HYCC2: variants seen among roughly 807,000 people sequenced by gnomAD.
The protein encoded by HYCC2 is hyccin 2.
the HYCC2 span, among the ~76,000 whole-genome samples, chr2:201,030,876 G>C: frequency 6.6e-6 from 1 of 152,022 alleles, no homozygotes; most frequent in African/African-American, 2.4e-5. Context: ...ACTGCGCCCA[G>C]CTTATCTCAT....
At chr2:201,049,800 A>C in the HYCC2 span, among the ~76,000 whole-genome samples, 3 of 152,168 alleles carry the variant, frequency 2.0e-5, no homozygotes, top group African/African-American at 7.2e-5. Context: ...AACAAAAATA[A>C]TAAAGAAAAA....
At chr2:200,981,191 A>G in the HYCC2 span, 1 of 1,488,432 alleles carries the variant, frequency 6.7e-7, no homozygotes, top group African/African-American at 1.4e-5. The surrounding 1 kb of genome is among the most constrained non-coding windows in gnomAD (Gnocchi z 4.5). Flanking sequence ...TATTTTCACA[A>G]TGTGGGATGA....
chr2:201,020,537 T>A, the HYCC2 span, among the ~76,000 whole-genome samples: 2 of 152,150 alleles, frequency 1.3e-5, no homozygotes, highest in Non-Finnish European at 2.9e-5. Context: ...AGAATATGGT[T>A]GTTTATCATA....
At chr2:200,981,870 A>G in the HYCC2 span, 1 of 1,592,426 alleles carries the variant, frequency 6.3e-7, no homozygotes. This position sits in a 1 kb window ranked among gnomAD's most constrained non-coding sequence, Gnocchi z 4.5. Flanking sequence ...CACCCTCAGC[A>G]CCTAAGAAAA....
chr2:201,001,268 A>C, the HYCC2 span, among the ~76,000 whole-genome samples: 1 of 152,146 alleles, frequency 6.6e-6, no homozygotes, highest in African/African-American at 2.4e-5. Context: ...CTAGACACTG[A>C]ATCTGCTGGC....
chr2:201,008,767 G>A, the HYCC2 span, among the ~76,000 whole-genome samples: 2 of 152,108 alleles, frequency 1.3e-5, no homozygotes, highest in Admixed American at 1.3e-4. Flanking sequence ...GCATGGTGGT[G>A]TACACCTGTA....
chr2:201,016,645 G>A, the HYCC2 span, among the ~76,000 whole-genome samples: 1 of 151,272 alleles, frequency 6.6e-6, no homozygotes, highest in Non-Finnish European at 1.5e-5. Context: ...TTTCACCCAG[G>A]CTGGAGTGCA....
the HYCC2 span, chr2:200,992,919 C>T: frequency 3.1e-6 from 5 of 1,612,810 alleles, no homozygotes; most frequent in East Asian, 1.1e-4. Flanking sequence ...GAAGTTGCAC[C>T]ATAAATTCAG....
At chr2:201,034,672 T>C in the HYCC2 span, among the ~76,000 whole-genome samples, 1 of 152,180 alleles carries the variant, frequency 6.6e-6, no homozygotes, top group African/African-American at 2.4e-5. Context: ...GTTATTTTGC[T>C]CGTTAGTTGA....
the HYCC2 span, among the ~76,000 whole-genome samples, chr2:201,036,704 G>C: frequency 1.3e-5 from 2 of 152,098 alleles, no homozygotes; most frequent in African/African-American, 4.8e-5. Context: ...AACCCTTCAT[G>C]CTAAAAACTC....
chr2:201,009,140 T>G, the HYCC2 span: 43 of 1,078,656 alleles, frequency 4.0e-5, no homozygotes, highest in South Asian at 5.6e-4. Context: ...GAAGTAAAAA[T>G]CTGTATCATG....
At chr2:200,982,244 A>C in the HYCC2 span, among the ~76,000 whole-genome samples, 6 of 151,404 alleles carry the variant, frequency 4.0e-5, no homozygotes, top group African/African-American at 9.8e-5. Flanking sequence ...AAAAAAAAAA[A>C]AACTTTTCCC....
chr2:200,974,228 T>G, the HYCC2 span: 14 of 150,372 alleles, frequency 9.3e-5, no homozygotes, highest in Non-Finnish European at 2.1e-4. Flanking sequence ...AAAAAAGAGC[T>G]GATGTGTACA....
chr2:200,982,250 T>C, the HYCC2 span, among the ~76,000 whole-genome samples: 4 of 151,916 alleles, frequency 2.6e-5, no homozygotes, highest in African/African-American at 9.7e-5. Flanking sequence ...AAAAAAACTT[T>C]TCCCCTCATA....
chr2:201,011,397 G>A, the HYCC2 span: 1 of 1,530,520 alleles, frequency 6.5e-7, no homozygotes, highest in Non-Finnish European at 8.9e-7. Context: ...CTTACTTCAT[G>A]GTATATTGAA....
chr2:201,070,450 C>G, the HYCC2 span, among the ~76,000 whole-genome samples: 2 of 151,918 alleles, frequency 1.3e-5, no homozygotes, highest in Non-Finnish European at 2.9e-5. Context: ...GTCCGGAGTT[C>G]GAGACCAGCC....
At chr2:201,052,768 C>CT in the HYCC2 span, among the ~76,000 whole-genome samples, 1 of 152,170 alleles carries the variant, frequency 6.6e-6, no homozygotes, top group South Asian at 2.1e-4. Flanking sequence ...GGTAGACTCT[C>CT]TGAGTTAAGG....
the HYCC2 span, chr2:200,977,287 G>A: frequency 0.17 from 25,534 of 152,078 alleles, 2,329 homozygotes; most frequent in African/African-American, 0.2. Context: ...ACCCATGGGA[G>A]ACTGGGTTTG....
chr2:201,051,943 CT>C, the HYCC2 span, among the ~76,000 whole-genome samples: 1 of 152,128 alleles, frequency 6.6e-6, no homozygotes. Context: ...AGAGAAGGGC[CT>C]TCTATTTCTC....
Sources: gnomAD v4.1 joint callset for allele counts (sites outside exome capture counted in the v4.1 genomes callset) on GRCh38, gnomAD v4.1.1 for gene constraint, Gnocchi (gnomAD v3.1) non-coding constraint, MANE v1.5 for transcripts, NCBI Gene and HGNC (gene_info 2026-07-23, HGNC 2026-07-21) for gene names.